The following HOXA3 variants were observed in gnomAD, a reference collection of about 807,000 sequenced individuals.
HOXA3 encodes the protein homeobox A3, also known as homeobox protein Hox-A3.
In HOXA3, 8 loss-of-function variants were observed where a neutral mutation model predicts 30.3. That is an observed-to-expected ratio of 0.26 (90% confidence interval 0.15 to 0.48). The LOEUF is 0.48. HOXA3 is among the 20% of genes least tolerant of loss of function. HOXA3 has a pLI of 0.99. For synonymous variants in HOXA3, 323 were observed against 273.1 expected (o/e 1.18, Z -1.80); for missense variants, 653 against 614.4 (o/e 1.06, Z -0.66).
Position 27,108,365 on chromosome 7 carries a change from G to T in HOXA3, c.882C>A (p.Pro294=). Residue 294 remains proline, a synonymous_variant, in exon 6 of 6, where the codon CCC becomes CCA. Coordinates refer to ENST00000612286, the MANE Select transcript of HOXA3 (RefSeq NM_153631.3). The surrounding 1 kb of genome is among the most constrained non-coding windows in gnomAD (Gnocchi z 5.0). The stretch of plus-strand genomic sequence containing the variant: ...CCTGGGGGGGCTTGGAGAAGGGCGG[G>T]GGCGACTGGGGCTCATACGGGACGC... The part of the protein sequence containing the change: ...VNSVPYEPQS[P]PPFSKPPQGT... 1.9e-6 allele frequency: 3 copies of T among 1,553,380 alleles called. No individual in the cohort carries two copies. The highest frequency in any genetic ancestry group is 2.6e-6 in the Non-Finnish European group (3 of 1,142,210).
chr7:27,141,848 G>T (rs769142318), intron 1 of HOXA3: 5 of 1,614,000 alleles, frequency 3.1e-6, no homozygotes, highest in Non-Finnish European at 3.4e-6. Flanking sequence ...GGGACGGAAG[G>T]CCCCTCCTGC....
intron 2 of HOXA3, among the ~76,000 whole-genome samples, chr7:27,135,617 A>G (rs575461796): frequency 6.6e-6 from 1 of 152,326 alleles, no homozygotes; most frequent in East Asian, 1.9e-4. Context: ...GTTTGCATTT[A>G]TTCTTACACA....
Position 27,108,778 on chromosome 7 carries a change from C to T in HOXA3, c.527-58G>A. 7.4e-7 allele frequency: 1 copy of T among 1,356,786 alleles called. No homozygotes were observed. Among genetic ancestry groups the T allele is most frequent in the South Asian group, 1.4e-5 (1 of 72,110 alleles). 84.0% of individuals were successfully genotyped at this position (1,356,786 alleles called of 1,614,324 possible). A position where few individuals can be genotyped will look rare whatever the true frequency, so the allele number is the denominator to read the frequency against. On this transcript the variant is annotated intron_variant, in intron 5 of 5. Coordinates refer to ENST00000612286, the MANE Select transcript of HOXA3 (RefSeq NM_153631.3). This position sits in a 1 kb window ranked among gnomAD's most constrained non-coding sequence, Gnocchi z 5.0. ...GGGGCTGCCGCGGCCCCGCCCAGCC[C>T]CTGACCCAGCCCGGCCCCTCCTTCC... is the stretch of plus-strand genomic sequence containing the variant.
At chr7:27,143,958 G>C (rs1243224004) in intron 1 of HOXA3, among the ~76,000 whole-genome samples, 1 of 152,194 alleles carries the variant, frequency 6.6e-6, no homozygotes, top group Non-Finnish European at 1.5e-5. Context: ...CTTCCGACCG[G>C]GGGCTGCAAG....
intron 4 of HOXA3, chr7:27,121,220 C>CGTGTGTGTGTGTGT (rs142198002): frequency 1.5e-4 from 20 of 137,926 alleles, no homozygotes; most frequent in South Asian, 9.5e-4. Context: ...CCACTGTGTG[C>CGTGTGTGTGTGTGT]GTGTGTGTGT....
intron 2 of HOXA3, among the ~76,000 whole-genome samples, chr7:27,135,449 G>A (rs1448303108): frequency 6.6e-6 from 1 of 152,016 alleles, no homozygotes; most frequent in Non-Finnish European, 1.5e-5. Context: ...TGGTGGAAGG[G>A]GTGAAGGGAG....
rs1444149365 is a variant in HOXA3, at chr7:27,108,166, G to C, written c.1081C>G (p.Gln361Glu). The C allele has an allele frequency of 6.4e-7, 1 of 1,572,240 alleles. No homozygotes were observed. Among genetic ancestry groups the C allele is most frequent in the Non-Finnish European group, 8.7e-7 (1 of 1,156,026 alleles). ...GNGSYGTPHIQGSPVFVGGSY... is the reference protein window; with the variant it reads ...GNGSYGTPHIEGSPVFVGGSY... ...CCCCCCACGAAGACGGGGCTTCCCT[G>C]TATGTGTGGGGTCCCATAGCTGCCG... Residue 361 changes from glutamine to glutamate, a missense_variant, in exon 6 of 6, where the codon CAG (glutamine) becomes GAG (glutamate). By Grantham distance (29) the Gln-to-Glu change is conservative. Around this residue, in one of 3 missense-constraint regions of HOXA3, gnomAD observed 330 missense variants for 274.4 expected, o/e 1.20. Coordinates refer to ENST00000612286, the MANE Select transcript of HOXA3 (RefSeq NM_153631.3). This position sits in a 1 kb window ranked among gnomAD's most constrained non-coding sequence, Gnocchi z 5.0.
At chr7:27,145,350 A>AC (rs1206790502) in intron 1 of HOXA3, 13 of 403,636 alleles carry the variant, frequency 3.2e-5, no homozygotes, top group Non-Finnish European at 5.3e-5. Context: ...TTCAGGGCGC[A>AC]CCCCAGAACT....
rs189888227 is a variant in HOXA3 at position 27,135,105 on chromosome 7, G to A, written c.-390+4978C>T. Reference sequence around the variant, plus strand: ...TCACACATGAGGCATGGTTCTAGTCGGCTTCCTTAATACACTATTCTCTTT... The same window carrying A: ...TCACACATGAGGCATGGTTCTAGTCAGCTTCCTTAATACACTATTCTCTTT... On this transcript the variant is annotated intron_variant, in intron 2 of 5. Coordinates refer to ENST00000612286, the MANE Select transcript of HOXA3 (RefSeq NM_153631.3). 2.6e-5 allele frequency among the ~76,000 whole-genome samples: 4 copies of A among 151,162 alleles called. No individual in the cohort carries two copies. In the East Asian group the frequency reaches 5.8e-4, roughly 22 times the overall value.
At chr7:27,120,179 G>A (rs1784934197) in intron 4 of HOXA3, among the ~76,000 whole-genome samples, 1 of 152,068 alleles carries the variant, frequency 6.6e-6, no homozygotes, top group South Asian at 2.1e-4. Flanking sequence ...TTCTGAAGAG[G>A]CATCAACTCA....
chr7:27,114,644 G>A (rs1448909509), intron 4 of HOXA3, among the ~76,000 whole-genome samples: 2 of 147,980 alleles, frequency 1.4e-5, no homozygotes, highest in Non-Finnish European at 3.0e-5. Flanking sequence ...GTTTAGAAAC[G>A]CGGATCTCCA....
chr7:27,135,017 C>A (rs972972636), intron 2 of HOXA3, among the ~76,000 whole-genome samples: 1 of 152,010 alleles, frequency 6.6e-6, no homozygotes, highest in Non-Finnish European at 1.5e-5. Context: ...CTTACAGCAC[C>A]AACACTTAAA....
intron 2 of HOXA3, among the ~76,000 whole-genome samples, chr7:27,136,123 A>C (rs941962146): frequency 2.0e-5 from 3 of 152,198 alleles, no homozygotes; most frequent in African/African-American, 7.2e-5. Flanking sequence ...AGAGCACTGC[A>C]CAATGTAAAC....
chr7:27,131,010 C>A (rs1223626432), intron 2 of HOXA3, among the ~76,000 whole-genome samples: 1 of 152,116 alleles, frequency 6.6e-6, no homozygotes, highest in East Asian at 1.9e-4. Flanking sequence ...TCAGGAAACG[C>A]GCGGGTGCGT....
intron 1 of HOXA3, chr7:27,145,464 T>G: frequency 1.5e-5 from 10 of 673,428 alleles, no homozygotes; most frequent in East Asian, 1.1e-4. Context: ...TTTGTTTTGT[T>G]TTGTTTTGTT....
chr7:27,111,177 G>A (rs1373713701), intron 4 of HOXA3, among the ~76,000 whole-genome samples: 1 of 152,188 alleles, frequency 6.6e-6, no homozygotes, highest in Non-Finnish European at 1.5e-5. Context: ...GGGAATGTTG[G>A]GAAGGGAACG....
chr7:27,107,647 G>A lies in HOXA3; in HGVS notation c.*268C>T, dbSNP rs1784085652. On this transcript the variant is annotated 3_prime_UTR_variant, in exon 6 of 6. Transcript: ENST00000612286. ...TCAAAGAGTGGAGAAGGTAAAGGGTGCAGGGCCAGTGGCCTATCGAGGAGC... is the reference window on the plus strand; with the variant it reads ...TCAAAGAGTGGAGAAGGTAAAGGGTACAGGGCCAGTGGCCTATCGAGGAGC... The A allele has an allele frequency of 2.6e-6, 1 of 381,816 alleles. No individual in the cohort carries two copies. The allele number at this position is 381,816 out of a possible 1,614,324, so 23.7% of individuals were successfully genotyped here.
At chr7:27,145,044 C>T (rs1380239655) in intron 1 of HOXA3, among the ~76,000 whole-genome samples, 1 of 152,214 alleles carries the variant, frequency 6.6e-6, no homozygotes, top group African/African-American at 2.4e-5. Context: ...CTGACGGTTG[C>T]ACACGCGGGA....
Position 27,107,325 on chromosome 7 carries a change from G to A in HOXA3, c.*590C>T, listed in dbSNP as rs1784063633. On this transcript the variant is annotated 3_prime_UTR_variant, in exon 6 of 6. Transcript: ENST00000612286. Reference sequence around the variant, plus strand: ...AGAATTCTTTAATATAAATACGAACGGATGGGGATAAATAATATTTAAAAC... The same window carrying A: ...AGAATTCTTTAATATAAATACGAACAGATGGGGATAAATAATATTTAAAAC... 1 of 151,792 alleles carries A rather than the reference G, an allele frequency of 6.6e-6. No homozygotes were observed. The highest frequency in any genetic ancestry group is 6.6e-5 in the Admixed American group (1 of 15,248). 9.4% of individuals were successfully genotyped at this position (151,792 alleles called of 1,614,324 possible). A position where few individuals can be genotyped will look rare whatever the true frequency, so the allele number is the denominator to read the frequency against.
Sources: allele counts gnomAD v4.1 joint callset (sites outside exome capture counted in the v4.1 genomes callset), GRCh38; gene constraint gnomAD v4.1.1; regional missense constraint gnomAD v4.1.1; non-coding constraint Gnocchi (gnomAD v3.1); transcripts MANE v1.5; gene names NCBI Gene and HGNC (gene_info 2026-07-23, HGNC 2026-07-21).